Variants in CAMKK2 observed in about 807,000 individuals in gnomAD.
CAMKK2 encodes calcium/calmodulin dependent protein kinase kinase 2.
In CAMKK2, 30 loss-of-function variants were observed where a neutral mutation model predicts 67.2. That is an observed-to-expected ratio of 0.45 (90% CI 0.33 to 0.61). CAMKK2 has a LOEUF of 0.61. Ranked by LOEUF, CAMKK2 falls within the 20% of genes least tolerant of loss-of-function variation. The pLI is 0.02. For synonymous variants in CAMKK2, 322 were observed against 326.2 expected (o/e 0.99, Z 0.14); for missense variants, 643 against 802.0 (o/e 0.80, Z 2.39).
rs1227755400 is a variant in CAMKK2 at position 121,238,645 on chromosome 12, G to A, written c.*2054C>T. The A allele has an allele frequency of 1.3e-5, 2 of 152,652 alleles. No homozygotes were observed. Among genetic ancestry groups the A allele is most frequent in the South Asian group, 2.1e-4 (1 of 4,828 alleles). The allele number at this position is 152,652 out of a possible 1,614,324, so 9.5% of individuals were successfully genotyped here. On this transcript the variant is annotated 3_prime_UTR_variant, in exon 17 of 17. Transcript: ENST00000404169. Reference sequence around the variant, plus strand: ...GCTGCCTGATTGCTGGCATTCCCTGGAAGAAATCTTAGATGGAAGGTTCCG... The same window carrying A: ...GCTGCCTGATTGCTGGCATTCCCTGAAAGAAATCTTAGATGGAAGGTTCCG...
intron 5 of CAMKK2, among the ~76,000 whole-genome samples, chr12:121,266,112 G>A (rs1566087319): frequency 6.6e-6 from 1 of 151,918 alleles, no homozygotes; most frequent in Non-Finnish European, 1.5e-5. Context: ...TTAAATTTTT[G>A]GTAGAGACAG....
rs371462475 is a variant in CAMKK2 at position 121,263,667 on chromosome 12, T to G, written c.759+139A>C. 4.7e-5 allele frequency: 29 copies of G among 612,022 alleles called. 2 individuals carry two copies. Among genetic ancestry groups the G allele is most frequent in the African/African-American group, 3.7e-4 (20 of 54,116 alleles). The allele number at this position is 612,022 out of a possible 1,614,324, so 37.9% of individuals were successfully genotyped here. ...TAGTTAATGTGAGTAACAAATACTC[T>G]TAGGGAGCAGTAAATACAACTCAGC... On this transcript the variant is annotated intron_variant, in intron 6 of 16. Transcript: ENST00000404169.
intron 13 of CAMKK2, 54 bp from the exon 14 acceptor site, chr12:121,248,788 C>A (rs982467390): frequency 1.2e-6 from 2 of 1,606,214 alleles, no homozygotes; most frequent in African/African-American, 2.7e-5. Context: ...TACCGGGGGG[C>A]CCTGCCAGCG....
In CAMKK2 at chr12:121,274,367, C is replaced by A; in HGVS notation, c.160G>T (p.Val54Leu). The A allele has an allele frequency of 6.2e-7, 1 of 1,613,554 alleles. No homozygotes were observed. The highest frequency in any genetic ancestry group is 8.5e-7 in the Non-Finnish European group (1 of 1,179,928). Residue 54 changes from valine (V) to leucine (L), a missense_variant, in exon 2 of 17, where the codon GTG (valine) becomes TTG (leucine). This residue lies in a region of CAMKK2 where 483 missense variants were observed against 625.8 expected (regional missense o/e 0.77). Transcript: ENST00000404169. Reference sequence around the variant, plus strand: ...CAGCCCGGCTCACACTCGGTGACCACAATGAAGGACTCCATGCCCAGGTGG... The same window carrying A: ...CAGCCCGGCTCACACTCGGTGACCAAAATGAAGGACTCCATGCCCAGGTGG... ...SIHLGMESFI[V>L]VTECEPGCAV...
rs751909766 is a variant in CAMKK2 at position 121,249,807 on chromosome 12, T to C, written c.1303A>G (p.Ile435Val). ...GGTACCTTGATTTCCGGCACCACGA[T>C]CCTCGACTCGGGGTTCTTGTCCAGC... is the stretch of plus-strand genomic sequence containing the variant. ...RMLDKNPESR[I>V]VVPEIKLHPW... is the part of the protein sequence containing the mutation. Residue 435 changes from isoleucine (I) to valine (V), a missense_variant, in exon 13 of 17, where the codon ATC (isoleucine) becomes GTC (valine). Coordinates refer to ENST00000404169, the MANE Select transcript of CAMKK2 (RefSeq NM_001270485.2). The C allele has an allele frequency of 6.2e-7, 1 of 1,614,048 alleles. No homozygotes were observed. The highest frequency in any genetic ancestry group is 1.7e-5 in the Admixed American group (1 of 60,012).
In CAMKK2 at chr12:121,296,336, G is replaced by C. The variant is rs1000531498; in HGVS notation, c.-60+302C>G. 6.6e-6 allele frequency among the ~76,000 whole-genome samples: 1 copy of C among 152,164 alleles called. No individual in the cohort carries two copies. The highest frequency in any genetic ancestry group is 1.5e-5 in the Non-Finnish European group (1 of 68,016). On this transcript the variant is annotated intron_variant, in intron 1 of 16. Transcript: ENST00000404169. The surrounding 1 kb of genome is among the most constrained non-coding windows in gnomAD (Gnocchi z 7.1). ...GACGGACCCGGCCCCCGGTGACCCC[G>C]GTTCCAAACTCCAGGACCGCCCCTG...
chr12:121,258,751 C>T (rs1892851561), intron 7 of CAMKK2, among the ~76,000 whole-genome samples: 1 of 152,074 alleles, frequency 6.6e-6, no homozygotes, highest in Admixed American at 6.6e-5. Flanking sequence ...CGAAACTCTT[C>T]TTTGAGGCTT....
chr12:121,263,067 C>T (rs538515868), intron 6 of CAMKK2, among the ~76,000 whole-genome samples: 1 of 152,218 alleles, frequency 6.6e-6, no homozygotes, highest in East Asian at 1.9e-4. Context: ...CTCCCCAGTT[C>T]AAGCGATTCT....
At chr12:121,246,358 C>G (rs1039253680) in intron 14 of CAMKK2, among the ~76,000 whole-genome samples, 3 of 151,700 alleles carry the variant, frequency 2.0e-5, no homozygotes, top group Non-Finnish European at 4.4e-5. Flanking sequence ...CCAGCCTGGC[C>G]AGCATGGAGA....
intron 1 of CAMKK2, among the ~76,000 whole-genome samples, chr12:121,289,894 A>T (rs1284891813): frequency 5.8e-4 from 58 of 99,620 alleles, no homozygotes; most frequent in African/African-American, 1.2e-3. Flanking sequence ...CCCTGTCTTT[A>T]AAAAAAAAAA....
intron 1 of CAMKK2, among the ~76,000 whole-genome samples, chr12:121,291,553 T>C (rs887525481): frequency 6.6e-6 from 1 of 152,166 alleles, no homozygotes; most frequent in Non-Finnish European, 1.5e-5. Flanking sequence ...TCTATTTATA[T>C]GAAATGTCCA....
chr12:121,244,068 C>G, intron 16 of CAMKK2: 1 of 1,605,378 alleles, frequency 6.2e-7, no homozygotes, highest in Non-Finnish European at 8.5e-7. Flanking sequence ...TCTGCATCCA[C>G]TCGGGTGAGG....
intron 1 of CAMKK2, among the ~76,000 whole-genome samples, chr12:121,293,078 C>T (rs1298462208): frequency 6.6e-6 from 1 of 152,070 alleles, no homozygotes; most frequent in Non-Finnish European, 1.5e-5. Flanking sequence ...GAGTTCGAGA[C>T]CAGCCTGGCT....
Position 121,245,604 on chromosome 12 carries a change from AG to A in CAMKK2, c.1453-365del, listed in dbSNP as rs1416956501. ...GAACTTGGCCTGTGGTCAGCCAGAG[AG>A]CCCCGGAAAGTTCTGGAGCAAGGAC... On this transcript the variant is annotated intron_variant, in intron 14 of 16. Coordinates refer to ENST00000404169, the MANE Select transcript of CAMKK2 (RefSeq NM_001270485.2). This position sits in a 1 kb window ranked among gnomAD's most constrained non-coding sequence, Gnocchi z 5.8. Among the ~76,000 whole-genome samples the A allele has an allele frequency of 5.9e-5, 9 of 152,026 alleles. No homozygotes were observed. Among genetic ancestry groups the A allele is most frequent in the African/African-American group, 2.2e-4 (9 of 41,380 alleles).
rs200854014 is a variant in CAMKK2 at position 121,240,591 on chromosome 12, G to T, written c.*108C>A. Reference sequence around the variant, plus strand: ...CAAATAACCAGAGATGACGATCGAGGCTCTACACACGTGCTGGGTTTCCGT... The same window carrying T: ...CAAATAACCAGAGATGACGATCGAGTCTCTACACACGTGCTGGGTTTCCGT... On this transcript the variant is annotated 3_prime_UTR_variant, in exon 17 of 17. Coordinates refer to ENST00000404169, the MANE Select transcript of CAMKK2 (RefSeq NM_001270485.2). The surrounding 1 kb of genome is among the most constrained non-coding windows in gnomAD (Gnocchi z 4.4). 1.1e-4 allele frequency: 163 copies of T among 1,534,316 alleles called. 2 individuals are homozygous for T. The South Asian group carries it at 1.7e-3, about 16-fold the overall frequency.
At chr12:121,255,678 GC>G (rs1892128986) in intron 8 of CAMKK2, 40 bp from the exon 9 acceptor site, 1 of 1,606,484 alleles carries the variant, frequency 6.2e-7, no homozygotes, top group African/African-American at 1.3e-5. Context: ...AAGCAGACCC[GC>G]CAGCCCTTGC....
In CAMKK2 at chr12:121,285,690, T is replaced by C. The variant is rs1047161513; in HGVS notation, c.-60+10948A>G. On this transcript the variant is annotated intron_variant, in intron 1 of 16. Coordinates refer to ENST00000404169, the MANE Select transcript of CAMKK2 (RefSeq NM_001270485.2). This position sits in a 1 kb window ranked among gnomAD's most constrained non-coding sequence, Gnocchi z 4.1. ...AGCTGGGCATGGTGGCGTACACCTG[T>C]AGTCCCAGCTACTAGGGAGGCTGAG... is the stretch of plus-strand genomic sequence containing the variant. Among the ~76,000 whole-genome samples the C allele has an allele frequency of 2.0e-5, 3 of 152,096 alleles. No individual in the cohort carries two copies. Among genetic ancestry groups the C allele is most frequent in the African/African-American group, 4.8e-5 (2 of 41,422 alleles).
chr12:121,279,183 T>A (rs11610853), intron 1 of CAMKK2, among the ~76,000 whole-genome samples: 51,145 of 152,196 alleles, frequency 0.34, 9,199 homozygotes, highest in African/African-American at 0.43. Context: ...CGGGCCTCCC[T>A]CACAGCTCTG....
At chr12:121,272,854 C>T (rs1225121927) in intron 2 of CAMKK2, among the ~76,000 whole-genome samples, 1 of 152,070 alleles carries the variant, frequency 6.6e-6, no homozygotes, top group Admixed American at 6.6e-5. Context: ...GCCTGGGCAA[C>T]ACAGCAACCC....
Sources: allele counts gnomAD v4.1 joint callset (sites outside exome capture counted in the v4.1 genomes callset), GRCh38; gene constraint gnomAD v4.1.1; regional missense constraint gnomAD v4.1.1; non-coding constraint Gnocchi (gnomAD v3.1); transcripts MANE v1.5; gene names NCBI Gene and HGNC (gene_info 2026-07-23, HGNC 2026-07-21).